The following RSF1 variants were observed in gnomAD, a reference collection of about 807,000 sequenced individuals.
RSF1 encodes remodeling and spacing factor 1, also known as HBV pX-associated protein 8.
In RSF1, 13 loss-of-function variants were observed where a neutral mutation model predicts 145.2. That is an observed-to-expected ratio of 0.09 (90% CI 0.06 to 0.14). RSF1 has a LOEUF of 0.14. RSF1 is among the 10% of genes least tolerant of loss of function. The pLI, the probability that RSF1 is intolerant of heterozygous loss-of-function variation, is 1.00. For synonymous variants in RSF1, 577 were observed against 592.6 expected, an observed-to-expected ratio of 0.97 and a Z score of 0.38; for missense variants, 1,517 against 1,718.2, an observed-to-expected ratio of 0.88 and a Z score of 2.07.
In RSF1 at chr11:77,662,418, A is replaced by G. The variant is rs1248514873; in HGVS notation, c.*4499T>C. The G allele has an allele frequency of 6.6e-6, 1 of 152,132 alleles. No individual in the cohort carries two copies. The highest frequency in any genetic ancestry group is 2.4e-5 in the African/African-American group (1 of 41,452). The allele number at this position is 152,132 out of a possible 1,614,324, so 9.4% of individuals were successfully genotyped here. On this transcript the variant is annotated 3_prime_UTR_variant, in exon 16 of 16. Transcript: ENST00000308488. ...GCATGAATGAATACAAAAAGTGGTG[A>G]GTGTATACTCTAAAGTGGTTATATA...
chr11:77,853,341 G>T, the RSF1 span, among the ~76,000 whole-genome samples: 1 of 152,124 alleles, frequency 6.6e-6, no homozygotes, highest in Non-Finnish European at 1.5e-5. Context: ...TTGCTAGGGA[G>T]GCCTCAGGAA....
At chr11:77,815,792 T>C (rs912046130) in intron 1 of RSF1, among the ~76,000 whole-genome samples, 12 of 152,236 alleles carry the variant, frequency 7.9e-5, no homozygotes, top group Admixed American at 3.9e-4. Context: ...CATCTGTACA[T>C]AGCAGATGCT....
chr11:77,689,053 T>A (rs1211407010), intron 9 of RSF1, among the ~76,000 whole-genome samples: 2 of 152,210 alleles, frequency 1.3e-5, no homozygotes, highest in Non-Finnish European at 2.9e-5. Flanking sequence ...GGTAAAGAAG[T>A]AGCAAATGAA....
At chr11:77,848,021 T>C in the RSF1 span, among the ~76,000 whole-genome samples, 3 of 152,198 alleles carry the variant, frequency 2.0e-5, no homozygotes, top group African/African-American at 4.8e-5. Flanking sequence ...ATGGATTGGA[T>C]GATGCCTACC....
At chr11:77,808,216 C>G (rs1381578118) in intron 1 of RSF1, among the ~76,000 whole-genome samples, 1 of 151,896 alleles carries the variant, frequency 6.6e-6, no homozygotes, top group Admixed American at 6.6e-5. Context: ...TGCCTGTACT[C>G]CCAGCTATTC....
intron 4 of RSF1, among the ~76,000 whole-genome samples, chr11:77,728,093 TTG>T (rs1219370369): frequency 6.6e-6 from 1 of 152,174 alleles, no homozygotes. Flanking sequence ...CCTCCCTCAC[TTG>T]TTCTCTGTTC....
chr11:77,701,509 T>C lies in RSF1; in HGVS notation c.1720A>G (p.Lys574Glu), dbSNP rs1960422075. The C allele has an allele frequency of 8.7e-6, 14 of 1,614,020 alleles. No individual in the cohort carries two copies. The highest frequency in any genetic ancestry group is 1.2e-5 in the Non-Finnish European group (14 of 1,179,992). Residue 574 changes from lysine (K) to glutamate (E), a missense_variant, in exon 6 of 16, where the codon AAG becomes GAG. Transcript: ENST00000308488. Reference sequence around the variant, plus strand: ...AGGATTGGTGGGCGCTTATCCTTCTTAGTTTTGGGAGACTTCTCTTCACCT... The same window carrying C: ...AGGATTGGTGGGCGCTTATCCTTCTCAGTTTTGGGAGACTTCTCTTCACCT... ...MKGEEKSPKT[K>E]KDKRPPILEC... is the part of the protein sequence containing the mutation.
At chr11:77,843,645 T>G in the RSF1 span, among the ~76,000 whole-genome samples, 1 of 152,312 alleles carries the variant, frequency 6.6e-6, no homozygotes, top group East Asian at 1.9e-4. Context: ...AAAATTGTCA[T>G]AGACTGAGTG....
chr11:77,723,143 A>T (rs1960977528), intron 5 of RSF1, among the ~76,000 whole-genome samples: 1 of 152,228 alleles, frequency 6.6e-6, no homozygotes, highest in Non-Finnish European at 1.5e-5. Flanking sequence ...GAAATTCAAC[A>T]GGAGGCTCAG....
intron 1 of RSF1, among the ~76,000 whole-genome samples, chr11:77,783,697 C>T (rs2135959054): frequency 6.6e-6 from 1 of 152,100 alleles, no homozygotes; most frequent in East Asian, 1.9e-4. Context: ...AAAAAATTAG[C>T]CAGGCATAAT....
the RSF1 span, among the ~76,000 whole-genome samples, chr11:77,864,653 A>G: frequency 6.6e-6 from 1 of 152,134 alleles, no homozygotes; most frequent in African/African-American, 2.4e-5. Context: ...CTCCTATCTC[A>G]TGTACAATCC....
At chr11:77,849,646 T>TG in the RSF1 span, among the ~76,000 whole-genome samples, 6 of 151,414 alleles carry the variant, frequency 4.0e-5, no homozygotes, top group Non-Finnish European at 5.9e-5. Flanking sequence ...TTTTTGTGTG[T>TG]TTTTTTTTAA....
intron 2 of RSF1, among the ~76,000 whole-genome samples, chr11:77,753,681 CAA>C (rs1283152223): frequency 6.6e-6 from 1 of 152,322 alleles, no homozygotes; most frequent in South Asian, 2.1e-4. Context: ...CCACAGAAGC[CAA>C]AAGATTGGAC....
At chr11:77,844,391 C>T in the RSF1 span, among the ~76,000 whole-genome samples, 5 of 151,748 alleles carry the variant, frequency 3.3e-5, no homozygotes, top group African/African-American at 1.2e-4. Context: ...TGGAGACAGT[C>T]TCCCTCTGTC....
At chr11:77,767,768 T>TA (rs1948240931) in intron 1 of RSF1, among the ~76,000 whole-genome samples, 1 of 152,214 alleles carries the variant, frequency 6.6e-6, no homozygotes, top group Admixed American at 6.5e-5. Flanking sequence ...TATCACTCAT[T>TA]AAGCAGTTGG....
intron 1 of RSF1, among the ~76,000 whole-genome samples, chr11:77,811,364 ATAAAG>A (rs1948729410): frequency 6.6e-6 from 1 of 152,250 alleles, no homozygotes; most frequent in Non-Finnish European, 1.5e-5. Context: ...TGGTGATAAA[ATAAAG>A]TAAGAAACCC....
intron 7 of RSF1, among the ~76,000 whole-genome samples, chr11:77,697,469 T>A (rs1396936937): frequency 3.5e-5 from 1 of 28,264 alleles, no homozygotes; most frequent in Non-Finnish European, 6.4e-5. Context: ...ATATAAAATA[T>A]ATTTATATAT....
In RSF1 at chr11:77,660,684, C is replaced by T. The variant is rs990105323; in HGVS notation, c.*6233G>A. 3.3e-5 allele frequency: 5 copies of T among 152,196 alleles called. No homozygotes were observed. Among genetic ancestry groups the T allele is most frequent in the African/African-American group, 9.6e-5 (4 of 41,540 alleles). The allele number at this position is 152,196 out of a possible 1,614,324, so 9.4% of individuals were successfully genotyped here. On this transcript the variant is annotated 3_prime_UTR_variant, in exon 16 of 16. Coordinates refer to ENST00000308488, the MANE Select transcript of RSF1 (RefSeq NM_016578.4). The stretch of plus-strand genomic sequence containing the variant: ...ATCAGTCCCTGAATTCCAGCTATTA[C>T]TTTAAATCAAAATTCTAAAGATACC...
intron 10 of RSF1, 146 bp from the exon 11 acceptor site, chr11:77,683,965 C>CTTT (rs1959936402): frequency 1.7e-6 from 1 of 583,364 alleles, no homozygotes; most frequent in South Asian, 2.3e-5. Flanking sequence ...AGTGAATAAA[C>CTTT]ATGGCAACAC....
Sources: gnomAD v4.1 joint callset for allele counts (sites outside exome capture counted in the v4.1 genomes callset) on GRCh38, gnomAD v4.1.1 for gene constraint, MANE v1.5 for transcripts, NCBI Gene and HGNC (gene_info 2026-07-23, HGNC 2026-07-21) for gene names.